ASIC2: variants seen among roughly 807,000 people sequenced by gnomAD.
The protein encoded by ASIC2 is acid-sensing ion channel 2.
In ASIC2, 25 loss-of-function variants were observed where a neutral mutation model predicts 57.3. The ratio of observed to expected loss-of-function variants is 0.44; its 90% CI spans 0.32 to 0.61. ASIC2 has a LOEUF of 0.61. Ranked by LOEUF, ASIC2 falls within the 20% of genes least tolerant of loss-of-function variation. The pLI, the probability that ASIC2 is intolerant of heterozygous loss-of-function variation, is 0.06. For synonymous variants in ASIC2, 319 were observed against 307.5 expected, an observed-to-expected ratio of 1.04 and a Z score of -0.39; for missense variants, 641 against 738.1, an observed-to-expected ratio of 0.87 and a Z score of 1.52.
At chr17:33,757,058 A>G (rs1910626070) in intron 1 of ASIC2, among the ~76,000 whole-genome samples, 1 of 152,096 alleles carries the variant, frequency 6.6e-6, no homozygotes, top group Non-Finnish European at 1.5e-5. Context: ...AGAGGTCCTG[A>G]TACTAGTGAA....
chr17:33,613,950 C>T (rs1905510167), intron 1 of ASIC2, among the ~76,000 whole-genome samples: 1 of 152,202 alleles, frequency 6.6e-6, no homozygotes, highest in Non-Finnish European at 1.5e-5. Flanking sequence ...AATGAATATT[C>T]CTGTACCTAT....
At chr17:33,117,944 A>AAGAT (rs979019940) in intron 1 of ASIC2, among the ~76,000 whole-genome samples, 29 of 152,166 alleles carry the variant, frequency 1.9e-4, no homozygotes, top group African/African-American at 6.8e-4. Flanking sequence ...TAAAGTAGTT[A>AAGAT]GAGGGGAAGA....
intron 1 of ASIC2, among the ~76,000 whole-genome samples, chr17:33,956,700 T>C (rs766730176): frequency 2.0e-5 from 3 of 152,204 alleles, no homozygotes; most frequent in African/African-American, 4.8e-5. Flanking sequence ...CTTGCAGCCA[T>C]GTGTTCAATG....
intron 1 of ASIC2, among the ~76,000 whole-genome samples, chr17:33,845,628 T>C (rs1284547554): frequency 6.6e-6 from 1 of 152,178 alleles, no homozygotes; most frequent in Admixed American, 6.5e-5. Context: ...GCTGAGATGA[T>C]GGAATAATCG....
chr17:33,758,102 C>T (rs988914371), intron 1 of ASIC2, among the ~76,000 whole-genome samples: 2 of 152,194 alleles, frequency 1.3e-5, no homozygotes, highest in African/African-American at 4.8e-5. Context: ...ATTCACAAAA[C>T]CGCAAACACT....
At chr17:33,809,943 C>T (rs1235230598) in intron 1 of ASIC2, among the ~76,000 whole-genome samples, 4 of 152,214 alleles carry the variant, frequency 2.6e-5, no homozygotes, top group Admixed American at 6.5e-5. Context: ...GAGCTATCTC[C>T]ACCTGCTTGA....
At chr17:33,217,276 G>T (rs1316286950) in intron 1 of ASIC2, among the ~76,000 whole-genome samples, 4 of 152,208 alleles carry the variant, frequency 2.6e-5, no homozygotes, top group Admixed American at 2.0e-4. Flanking sequence ...TAAAAGTTCA[G>T]TGGTTTCTGG....
At chr17:33,815,032 T>G (rs1912535928) in intron 1 of ASIC2, among the ~76,000 whole-genome samples, 1 of 152,226 alleles carries the variant, frequency 6.6e-6, no homozygotes, top group African/African-American at 2.4e-5. Context: ...GGACCAAGCA[T>G]GGGCATTGAG....
Position 33,111,905 on chromosome 17 carries a change from T to G in ASIC2, c.859+12A>C, listed in dbSNP as rs2092259646. ...ACCATCACCCAATGCCCGGTCCCTG[T>G]GCCCAGCTCACCTGTCTCTCCCCAG... On this transcript the variant is annotated intron_variant, in intron 2 of 9. Transcript: ENST00000225823. 1 of 1,606,844 alleles carries G rather than the reference T, an allele frequency of 6.2e-7. No individual in the cohort carries two copies. Among genetic ancestry groups the G allele is most frequent in the East Asian group, 2.2e-5 (1 of 44,704 alleles).
chr17:34,006,528 A>G (rs2142018339), intron 1 of ASIC2: 1 of 152,354 alleles, frequency 6.6e-6, no homozygotes, highest in Non-Finnish European at 1.5e-5. Context: ...AATCAGACTC[A>G]TATCACCTAC....
chr17:33,816,170 A>AGGGG (rs35521850), intron 1 of ASIC2, among the ~76,000 whole-genome samples: 5 of 120,094 alleles, frequency 4.2e-5, no homozygotes, highest in African/African-American at 1.3e-4. Flanking sequence ...CACCAACTGA[A>AGGGG]GGGGGGGCGG....
chr17:33,504,309 A>G (rs1292279078), intron 1 of ASIC2, among the ~76,000 whole-genome samples: 2 of 152,164 alleles, frequency 1.3e-5, no homozygotes, highest in African/African-American at 4.8e-5. Context: ...TGGACACTTT[A>G]CTATTGACTT....
chr17:33,021,139 GCCTCCCATCCACCTGTGCATCCTCCCTC>G, intron 7 of ASIC2, 52 bp downstream of exon 7: 1 of 1,060,526 alleles, frequency 9.4e-7, no homozygotes, highest in Non-Finnish European at 1.4e-6. Flanking sequence ...CTGTCTGCTT[GCCTCCCATCCACCTGTGCATCCTCCCTC>G]CCTCCCACCC....
intron 1 of ASIC2, among the ~76,000 whole-genome samples, chr17:33,869,802 C>A (rs1277682443): frequency 4.6e-5 from 7 of 152,130 alleles, no homozygotes; most frequent in Non-Finnish European, 1.0e-4. Flanking sequence ...ATAAAAATAT[C>A]CTAAAATTGA....
chr17:33,533,086 C>T (rs1266581769), intron 1 of ASIC2, among the ~76,000 whole-genome samples: 3 of 152,208 alleles, frequency 2.0e-5, no homozygotes, highest in African/African-American at 7.2e-5. Context: ...GTGGCTCATG[C>T]CTTAATCCCA....
chr17:34,056,190 G>A (rs1390479563), intron 1 of ASIC2, among the ~76,000 whole-genome samples: 3 of 152,144 alleles, frequency 2.0e-5, no homozygotes, highest in Admixed American at 1.3e-4. Flanking sequence ...AGAAAGTGGA[G>A]GAAGAACAAT....
intron 1 of ASIC2, among the ~76,000 whole-genome samples, chr17:33,466,230 C>T (rs137989133): frequency 1.6e-4 from 25 of 152,224 alleles, no homozygotes; most frequent in African/African-American, 5.1e-4. Context: ...GAGTGAACTC[C>T]CATTCGCAAT....
chr17:34,018,804 C>T (rs1480058054), intron 1 of ASIC2, among the ~76,000 whole-genome samples: 1 of 152,180 alleles, frequency 6.6e-6, no homozygotes, highest in African/African-American at 2.4e-5. Context: ...CATAAAGTTA[C>T]TTCACTGTAG....
At chr17:33,099,386 T>A (rs978362256) in intron 2 of ASIC2, among the ~76,000 whole-genome samples, 26 of 152,128 alleles carry the variant, frequency 1.7e-4, no homozygotes, top group African/African-American at 6.3e-4. Context: ...CATAGGAGTG[T>A]ATGAGGATCA....
Sources: allele counts gnomAD v4.1 joint callset (sites outside exome capture counted in the v4.1 genomes callset), GRCh38; gene constraint gnomAD v4.1.1; transcripts MANE v1.5; gene names NCBI Gene and HGNC (gene_info 2026-07-23, HGNC 2026-07-21).